NBEA: variants seen among roughly 807,000 people sequenced by gnomAD.
NBEA encodes lysosomal-trafficking regulator 2.
NBEA carries 44 observed loss-of-function variants against 343.4 expected under a neutral mutation model. That is an observed-to-expected ratio of 0.13 (90% CI 0.10 to 0.16). NBEA has a LOEUF of 0.16. NBEA is among the 10% of genes least tolerant of loss of function. The pLI, the probability that NBEA is intolerant of heterozygous loss-of-function variation, is 1.00. For synonymous variants in NBEA, 1,175 were observed against 1,238.7 expected, an observed-to-expected ratio of 0.95 and a Z score of 1.08; for missense variants, 2,555 against 3,631.3, an observed-to-expected ratio of 0.70 and a Z score of 7.62.
At chr13:35,658,660 A>G (rs568441227) in intron 55 of NBEA, among the ~76,000 whole-genome samples, 1 of 152,276 alleles carries the variant, frequency 6.6e-6, no homozygotes, top group African/African-American at 2.4e-5. Flanking sequence ...AATATTTTGT[A>G]CCATACTTTA....
At chr13:35,102,133 A>G (rs540109153) in intron 11 of NBEA, among the ~76,000 whole-genome samples, 1 of 151,564 alleles carries the variant, frequency 6.6e-6, no homozygotes, top group Non-Finnish European at 1.5e-5. Context: ...TGTATATGGT[A>G]TGAGGTATAA....
chr13:35,649,831 A>G lies in NBEA; in HGVS notation c.7947A>G (p.Arg2649=), dbSNP rs1408284485. 1 of 1,614,022 alleles carries G rather than the reference A, an allele frequency of 6.2e-7. No homozygotes were observed. Among genetic ancestry groups the G allele is most frequent in the Non-Finnish European group, 8.5e-7 (1 of 1,179,880 alleles). Residue 2649 remains arginine, a synonymous_variant, in exon 52 of 59, where the codon AGA becomes AGG. Coordinates refer to ENST00000379939, the MANE Select transcript of NBEA (RefSeq NM_001385012.1). The stretch of plus-strand genomic sequence containing the variant: ...GCAGCCGACTCTTTGCAGTGAATAG[A>G]TGGCACAACACAGTAGGTATGTGTG... The part of the protein sequence containing the change: ...VTCSRLFAVN[R]WHNTVGLRGA...
At chr13:35,165,288 A>G (rs1326176268) in intron 24 of NBEA, among the ~76,000 whole-genome samples, 1 of 152,182 alleles carries the variant, frequency 6.6e-6, no homozygotes, top group Non-Finnish European at 1.5e-5. Context: ...TAATGCCACC[A>G]CCATCACCAG....
At chr13:35,523,184 C>T (rs893932622) in intron 41 of NBEA, among the ~76,000 whole-genome samples, 15 of 152,066 alleles carry the variant, frequency 9.9e-5, no homozygotes, top group Non-Finnish European at 5.9e-5. Flanking sequence ...TGCCAGAAAC[C>T]TTTCCATCCA....
At chr13:35,305,111 A>C (rs1333431508) in intron 35 of NBEA, among the ~76,000 whole-genome samples, 1 of 152,134 alleles carries the variant, frequency 6.6e-6, no homozygotes, top group Non-Finnish European at 1.5e-5. Context: ...TCTGTAGCTA[A>C]ACTATCCACC....
At chr13:35,117,514 TTAAAA>T in intron 14 of NBEA, 21 bp downstream of exon 14, 1 of 1,144,544 alleles carries the variant, frequency 8.7e-7, no homozygotes, top group Non-Finnish European at 1.2e-6. Context: ...TTTATATAAT[TTAAAA>T]TAATAGTATA....
At chr13:35,078,722 G>A (rs117407537) in intron 10 of NBEA, among the ~76,000 whole-genome samples, 2,456 of 152,194 alleles carry the variant, frequency 0.016, 24 homozygotes, top group Middle Eastern at 0.031. Flanking sequence ...AAAGTATTAC[G>A]GTGCACAGGA....
rs1162954633 is a variant in NBEA at position 35,308,527 on chromosome 13, T to TATATGTAC, written c.5839-994_5839-993insCATATGTA. Among the ~76,000 whole-genome samples the TATATGTAC allele has an allele frequency of 1.3e-4, 16 of 124,820 alleles. No individual in the cohort carries two copies. In the East Asian group the frequency reaches 3.0e-3, roughly 23 times the overall value. 81.9% of individuals were successfully genotyped at this position (124,820 alleles called of 152,430 possible). A position where few individuals can be genotyped will look rare whatever the true frequency, so the allele number is the denominator to read the frequency against. On this transcript the variant is annotated intron_variant, in intron 35 of 58. Transcript: ENST00000379939. Reference sequence around the variant, plus strand: ...ATATATATATGTGTATATATGTATATATATGTATATATGTATATATATGTA... The same window carrying TATATGTAC: ...ATATATATATGTGTATATATGTATATATATGTACATATGTATATATGTATATATATGTA...
At chr13:35,409,072 T>C (rs531677815) in intron 38 of NBEA, among the ~76,000 whole-genome samples, 1 of 152,274 alleles carries the variant, frequency 6.6e-6, no homozygotes, top group South Asian at 2.1e-4. Flanking sequence ...CTATTCACAA[T>C]AGGAAAGATA....
chr13:35,370,575 A>T (rs920763466), intron 38 of NBEA, among the ~76,000 whole-genome samples: 1 of 152,022 alleles, frequency 6.6e-6, no homozygotes, highest in African/African-American at 2.4e-5. Flanking sequence ...CTGTCATTAT[A>T]TTAATGTACT....
At chr13:35,267,130 G>GT (rs2152801991) in intron 34 of NBEA, among the ~76,000 whole-genome samples, 1 of 151,938 alleles carries the variant, frequency 6.6e-6, no homozygotes, top group East Asian at 1.9e-4. Flanking sequence ...AAGAAGAGGG[G>GT]TTTGTCTTGC....
chr13:34,977,684 A>G (rs1481107973), intron 1 of NBEA, among the ~76,000 whole-genome samples: 1 of 152,168 alleles, frequency 6.6e-6, no homozygotes, highest in Non-Finnish European at 1.5e-5. Flanking sequence ...ATTCATTTTG[A>G]TAGTTGGAGT....
At chr13:35,668,659 A>C in intron 58 of NBEA, 140 bp downstream of exon 58, 1 of 831,638 alleles carries the variant, frequency 1.2e-6, no homozygotes, top group Non-Finnish European at 1.7e-6. Context: ...GGGGAAAATG[A>C]GGGGAAGAGT....
intron 35 of NBEA, among the ~76,000 whole-genome samples, chr13:35,308,608 GTATA>G (rs527269395): frequency 6.5e-5 from 8 of 122,470 alleles, no homozygotes; most frequent in African/African-American, 1.9e-4. Context: ...ATGTATATAT[GTATA>G]TATATATGCA....
At chr13:35,113,447 AG>A in intron 13 of NBEA, among the ~76,000 whole-genome samples, 1 of 152,290 alleles carries the variant, frequency 6.6e-6, no homozygotes, top group East Asian at 1.9e-4. Flanking sequence ...TCTTCAACAA[AG>A]TTTCACCTAC....
At chr13:35,139,744 GTTTTTT>G (rs36117821) in intron 17 of NBEA, among the ~76,000 whole-genome samples, 9 of 61,128 alleles carry the variant, frequency 1.5e-4, no homozygotes, top group African/African-American at 3.8e-4. Flanking sequence ...GATGGATGGC[GTTTTTT>G]TTTTTTTTTT....
rs530435890 is a variant in NBEA, at chr13:35,645,858, T to C, written c.7618-11T>C. 8.2e-5 allele frequency: 126 copies of C among 1,536,080 alleles called. No individual in the cohort carries two copies. The African/African-American group carries it at 1.7e-3, about 21-fold the overall frequency. On this transcript the variant is annotated splice_polypyrimidine_tract_variant and intron_variant, in intron 49 of 58. Transcript: ENST00000379939. ...AGACTTCATGTCTCATTCTTTTTTTTCCCCATTAAGATTCCAGAAGCTTAT... is the reference window on the plus strand; with the variant it reads ...AGACTTCATGTCTCATTCTTTTTTTCCCCCATTAAGATTCCAGAAGCTTAT...
intron 46 of NBEA, among the ~76,000 whole-genome samples, chr13:35,590,754 G>C (rs186866238): frequency 2.4e-4 from 36 of 152,168 alleles, no homozygotes; most frequent in Non-Finnish European, 4.6e-4. Context: ...AAAATTAAAT[G>C]CCTTACATCA....
At chr13:35,645,696 G>A (rs2084193135) in intron 49 of NBEA, among the ~76,000 whole-genome samples, 173 bp from the exon 50 acceptor site, 1 of 152,070 alleles carries the variant, frequency 6.6e-6, no homozygotes, top group African/African-American at 2.4e-5. Context: ...AAATAGCATA[G>A]AAAGCTAAAA....
Sources: allele counts gnomAD v4.1 joint callset (sites outside exome capture counted in the v4.1 genomes callset), GRCh38; gene constraint gnomAD v4.1.1; transcripts MANE v1.5; gene names NCBI Gene and HGNC (gene_info 2026-07-23, HGNC 2026-07-21).